Variants in MAD1L1 observed in about 807,000 individuals in gnomAD.
MAD1L1 encodes the protein mitotic arrest deficient 1 like 1.
In MAD1L1, 95 loss-of-function variants were observed where a neutral mutation model predicts 96.9. That is an observed-to-expected ratio of 0.98 (90% CI 0.83 to 1.16). The LOEUF is 1.16. MAD1L1 is among the 50% of genes most tolerant of loss of function. The probability of loss-of-function intolerance (pLI) is 0.00; values close to 1 mark genes in which losing one functional copy is unlikely to be tolerated. For missense variants in MAD1L1, 1,007 were observed against 954.4 expected (o/e 1.06, Z -0.73); for synonymous variants, 473 against 396.6 (o/e 1.19, Z -2.29).
At chr7:2,089,608 G>A (rs1272891769) in intron 11 of MAD1L1, among the ~76,000 whole-genome samples, 2 of 149,782 alleles carry the variant, frequency 1.3e-5, no homozygotes, top group African/African-American at 2.5e-5. Context: ...CACCGCACAC[G>A]CCCACCCATC....
At chr7:1,969,762 T>C (rs1025519737) in intron 15 of MAD1L1, among the ~76,000 whole-genome samples, 2 of 152,192 alleles carry the variant, frequency 1.3e-5, no homozygotes, top group East Asian at 3.8e-4. Flanking sequence ...AACAATTCCA[T>C]TCATAACAGC....
At chr7:2,054,323 G>A (rs1404267544) in intron 12 of MAD1L1, among the ~76,000 whole-genome samples, 2 of 152,138 alleles carry the variant, frequency 1.3e-5, no homozygotes, top group Non-Finnish European at 2.9e-5. Context: ...GCACGTGGAG[G>A]GCTCGGGCTG....
chr7:1,996,050 G>C (rs537493540), intron 14 of MAD1L1, among the ~76,000 whole-genome samples: 1 of 152,244 alleles, frequency 6.6e-6, no homozygotes, highest in Non-Finnish European at 1.5e-5. Flanking sequence ...GCTCACAGCT[G>C]CCTGGTCCAT....
chr7:2,071,037 T>C lies in MAD1L1; in HGVS notation c.1074-1699A>G, dbSNP rs1584250572. Among the ~76,000 whole-genome samples, 3 of 147,954 alleles carry C rather than the reference T, an allele frequency of 2.0e-5. No homozygotes were observed. In the South Asian group the frequency reaches 6.5e-4, roughly 32 times the overall value. ...TGGTGGATGGCGCTTTCTTGGGAGG[T>C]GGTTTGGGGAAGGGAAAGCTTCATC... On this transcript the variant is annotated intron_variant, in intron 11 of 18. Coordinates refer to ENST00000265854, the MANE Select transcript of MAD1L1 (RefSeq NM_001013836.2).
intron 17 of MAD1L1, among the ~76,000 whole-genome samples, chr7:1,920,406 G>A (rs550863458): frequency 7.4e-4 from 113 of 152,350 alleles, no homozygotes; most frequent in Admixed American, 1.8e-3. Context: ...CTCGGCTGCC[G>A]TGGCAGCCTC....
At chr7:1,980,327 G>T in intron 15 of MAD1L1, 126 bp downstream of exon 15, 1 of 756,604 alleles carries the variant, frequency 1.3e-6, no homozygotes, top group Non-Finnish European at 2.1e-6. Flanking sequence ...GGGCGTATCC[G>T]CCTCCTCCCC....
chr7:1,941,091 G>A (rs1338420091), intron 16 of MAD1L1, among the ~76,000 whole-genome samples: 6 of 122,070 alleles, frequency 4.9e-5, no homozygotes, highest in African/African-American at 1.9e-4. Flanking sequence ...AGGCTGCCCA[G>A]CAAGGCCTCG....
intron 10 of MAD1L1, among the ~76,000 whole-genome samples, chr7:2,151,482 C>T (rs996913554): frequency 2.0e-5 from 3 of 152,226 alleles, no homozygotes; most frequent in African/African-American, 7.2e-5. Context: ...AGGGTTCTCC[C>T]AGCTGGGATG....
intron 10 of MAD1L1, among the ~76,000 whole-genome samples, chr7:2,164,593 TGGGGG>T (rs11335779): frequency 1.3e-5 from 1 of 79,546 alleles, no homozygotes; most frequent in South Asian, 4.5e-4. Flanking sequence ...GCAGGAAAAA[TGGGGG>T]GGGGGGGGGT....
At chr7:2,161,924 G>A (rs568800789) in intron 10 of MAD1L1, among the ~76,000 whole-genome samples, 2 of 143,854 alleles carry the variant, frequency 1.4e-5, no homozygotes, top group East Asian at 2.0e-4. Flanking sequence ...CAGCCCGTCC[G>A]GGAGGTGGGG....
At chr7:2,071,367 G>C (rs1331352602) in intron 11 of MAD1L1, among the ~76,000 whole-genome samples, 1 of 152,266 alleles carries the variant, frequency 6.6e-6, no homozygotes, top group Non-Finnish European at 1.5e-5. Flanking sequence ...AGCCACACAA[G>C]CCCACAGACT....
At chr7:2,063,863 C>T (rs999442440) in intron 12 of MAD1L1, among the ~76,000 whole-genome samples, 1 of 152,188 alleles carries the variant, frequency 6.6e-6, no homozygotes, top group African/African-American at 2.4e-5. Context: ...CAGCCTCCCT[C>T]GCTCTGCCCT....
intron 17 of MAD1L1, among the ~76,000 whole-genome samples, chr7:1,914,712 C>T (rs1046616905): frequency 6.6e-6 from 1 of 152,224 alleles, no homozygotes; most frequent in Non-Finnish European, 1.5e-5. Flanking sequence ...CTCCCAGGCC[C>T]AAGCCATTGT....
intron 11 of MAD1L1, among the ~76,000 whole-genome samples, chr7:2,122,350 G>A (rs564276418): frequency 6.6e-6 from 1 of 152,332 alleles, no homozygotes; most frequent in Admixed American, 6.5e-5. Context: ...ATCCCTGGCT[G>A]GGTGCAGTGG....
chr7:1,868,760 C>T (rs963263301), intron 18 of MAD1L1, among the ~76,000 whole-genome samples: 5 of 152,186 alleles, frequency 3.3e-5, no homozygotes, highest in Non-Finnish European at 5.9e-5. Flanking sequence ...GCCAACAGGA[C>T]GCAGTGACGA....
intron 10 of MAD1L1, among the ~76,000 whole-genome samples, chr7:2,176,539 C>T (rs1790956115): frequency 6.6e-6 from 1 of 151,704 alleles, no homozygotes; most frequent in South Asian, 2.1e-4. Context: ...TCTTTATTTG[C>T]AAATAGCACT....
chr7:1,981,367 A>C (rs1369202290), intron 14 of MAD1L1, among the ~76,000 whole-genome samples: 1 of 152,172 alleles, frequency 6.6e-6, no homozygotes, highest in Non-Finnish European at 1.5e-5. Flanking sequence ...TGCGGGCTCA[A>C]GGAAGAGCAG....
At chr7:2,214,915 C>T (rs1793181162) in intron 9 of MAD1L1, among the ~76,000 whole-genome samples, 1 of 152,190 alleles carries the variant, frequency 6.6e-6, no homozygotes, top group South Asian at 2.1e-4. Context: ...CGAAACAGAT[C>T]ACCACAAACT....
chr7:2,171,441 A>G (rs376465941), intron 10 of MAD1L1, among the ~76,000 whole-genome samples: 42 of 152,334 alleles, frequency 2.8e-4, no homozygotes, highest in African/African-American at 9.9e-4. Flanking sequence ...GGATTACAGC[A>G]GGGCCACGTA....
Sources: gnomAD v4.1 joint callset for allele counts (sites outside exome capture counted in the v4.1 genomes callset) on GRCh38, gnomAD v4.1.1 for gene constraint, MANE v1.5 for transcripts, NCBI Gene and HGNC (gene_info 2026-07-23, HGNC 2026-07-21) for gene names.